The following CUX1 variants were observed in gnomAD, a reference collection of about 807,000 sequenced individuals.
CUX1 encodes cut like homeobox 1.
CUX1 carries 31 observed loss-of-function variants against 158.8 expected under a neutral mutation model. That is an observed-to-expected ratio of 0.20 (90% CI 0.15 to 0.26). The LOEUF (loss-of-function observed/expected upper bound fraction) is 0.26. Ranked by LOEUF, CUX1 falls within the 10% of genes least tolerant of loss-of-function variation. The probability of loss-of-function intolerance (pLI) is 1.00; values close to 1 mark genes in which losing one functional copy is unlikely to be tolerated. For synonymous variants in CUX1, 879 were observed against 862.1 expected, an observed-to-expected ratio of 1.02 and a Z score of -0.34; for missense variants, 1,589 against 2,014.6, an observed-to-expected ratio of 0.79 and a Z score of 4.04.
intron 12 of CUX1, among the ~76,000 whole-genome samples, chr7:102,192,996 G>A (rs1372321758): frequency 6.6e-6 from 1 of 152,218 alleles, no homozygotes; most frequent in East Asian, 1.9e-4. Context: ...GTGCCATTGA[G>A]AACAAGGGAG....
intron 13 of CUX1, 91 bp from the exon 14 acceptor site, chr7:102,195,416 A>G (rs1794692187): frequency 1.0e-6 from 1 of 992,382 alleles, no homozygotes. Flanking sequence ...GAACGCGGAC[A>G]GATGGAGGGA....
At chr7:102,016,480 G>A (rs1303880739) in intron 2 of CUX1, among the ~76,000 whole-genome samples, 3 of 152,174 alleles carry the variant, frequency 2.0e-5, no homozygotes, top group Non-Finnish European at 4.4e-5. Context: ...TGGAAGTCAC[G>A]TGCCTCATTC....
At chr7:102,175,929 T>C (rs1751880387) in intron 10 of CUX1, among the ~76,000 whole-genome samples, 1 of 152,272 alleles carries the variant, frequency 6.6e-6, no homozygotes, top group African/African-American at 2.4e-5. Flanking sequence ...TCTCGATTTC[T>C]GTAATTGCCT....
chr7:101,906,570 A>C (rs1802781959), intron 1 of CUX1, among the ~76,000 whole-genome samples: 3 of 151,792 alleles, frequency 2.0e-5, no homozygotes, highest in South Asian at 4.2e-4. Context: ...TGAGCAGGGA[A>C]CGCCAAGCTC....
Position 102,201,982 on chromosome 7 carries a change from G to A in CUX1, c.2685G>A (p.Leu895=), listed in dbSNP as rs186224792. ...CCCCATACTCCCAGAGCTCAGAGCT[G>A]AGTCTGACCGGGGCCAGCCGCAGCG... ...AESPYSQSSE[L]SLTGASRSET... Residue 895 remains leucine, a synonymous_variant, in exon 18 of 24, where the codon CTG becomes CTA. Coordinates refer to ENST00000292535, the MANE Select transcript of CUX1 (RefSeq NM_181552.4). The surrounding 1 kb of genome is among the most constrained non-coding windows in gnomAD (Gnocchi z 5.0). 73 of 1,614,068 alleles carry A rather than the reference G, an allele frequency of 4.5e-5. 1 individual carries two copies. The highest frequency in any genetic ancestry group is 1.7e-5 in the Admixed American group (1 of 60,026).
intron 23 of CUX1, among the ~76,000 whole-genome samples, chr7:102,246,092 C>G (rs1162185073): frequency 3.9e-5 from 6 of 152,192 alleles, no homozygotes; most frequent in African/African-American, 1.4e-4. Context: ...ATATCCAACC[C>G]AAGTGTGCCT....
chr7:102,119,624 C>T (rs1432247835), intron 8 of CUX1, among the ~76,000 whole-genome samples: 2 of 152,142 alleles, frequency 1.3e-5, no homozygotes, highest in East Asian at 3.8e-4. Flanking sequence ...GGGGCTTTGC[C>T]AAAACAGTTG....
At chr7:102,090,233 G>A (rs1372339223) in intron 4 of CUX1, among the ~76,000 whole-genome samples, 2 of 152,100 alleles carry the variant, frequency 1.3e-5, no homozygotes, top group Non-Finnish European at 2.9e-5. Context: ...TAGGTTGAGT[G>A]TCTTTTATCC....
At chr7:102,138,126 G>A (rs1834086951) in intron 8 of CUX1, among the ~76,000 whole-genome samples, 1 of 152,200 alleles carries the variant, frequency 6.6e-6, no homozygotes, top group South Asian at 2.1e-4. Flanking sequence ...CAAGGCTGCA[G>A]TGAGCCAAAA....
chr7:101,962,470 G>A (rs1222863768), intron 2 of CUX1, among the ~76,000 whole-genome samples: 2 of 152,156 alleles, frequency 1.3e-5, no homozygotes, highest in East Asian at 1.9e-4. Context: ...GGTTTTTAGC[G>A]GTCCATAGAG....
At chr7:102,209,284 TTGG>T (rs1307785218) in intron 20 of CUX1, among the ~76,000 whole-genome samples, 3 of 152,222 alleles carry the variant, frequency 2.0e-5, no homozygotes, top group African/African-American at 7.2e-5. Context: ...CTTTTTCCTC[TTGG>T]TGGATACAAC....
intron 8 of CUX1, among the ~76,000 whole-genome samples, chr7:102,151,727 CAAAAAAAAAAAAAAAAAAA>C (rs1159017025): frequency 2.6e-5 from 1 of 38,876 alleles, no homozygotes; most frequent in African/African-American, 9.0e-5. Context: ...GACTCTGTCT[CAAAAAAAAAAAAAAAAAAA>C]AAAAAAAAAA....
intron 16 of CUX1, 109 bp from the exon 17 acceptor site, chr7:102,199,962 G>C (rs933512682): frequency 1.2e-6 from 1 of 832,494 alleles, no homozygotes. Flanking sequence ...CTGCCTCCTT[G>C]TGTCACCAGC....
Position 102,252,384 on chromosome 7 carries a change from C to T in CUX1, c.*3342C>T, listed in dbSNP as rs545499956. The T allele has an allele frequency of 7.1e-6, 7 of 985,366 alleles. No homozygotes were observed. In the South Asian group the frequency reaches 2.8e-4, roughly 40 times the overall value. 61.0% of individuals were successfully genotyped at this position (985,366 alleles called of 1,614,324 possible). A position where few individuals can be genotyped will look rare whatever the true frequency, so the allele number is the denominator to read the frequency against. ...TCCAAGCAGTGGCCCCCGCAGGCAG[C>T]CGACCCCCTTCCTCTTCACGCTCTA... On this transcript the variant is annotated 3_prime_UTR_variant, in exon 24 of 24. Coordinates refer to ENST00000292535, the MANE Select transcript of CUX1 (RefSeq NM_181552.4).
intron 2 of CUX1, among the ~76,000 whole-genome samples, chr7:101,974,380 A>C (rs908233813): frequency 1.1e-4 from 17 of 152,138 alleles, no homozygotes; most frequent in Admixed American, 6.5e-5. Flanking sequence ...AAGCGAAATA[A>C]CCTGTTAATA....
intron 1 of CUX1, among the ~76,000 whole-genome samples, chr7:101,893,670 G>A (rs1801153601): frequency 6.6e-6 from 1 of 152,216 alleles, no homozygotes; most frequent in Admixed American, 6.5e-5. Context: ...TCCTTGCCTA[G>A]CTTAAGCCCT....
intron 23 of CUX1, among the ~76,000 whole-genome samples, chr7:102,247,313 AT>A (rs1308023268): frequency 3.3e-5 from 5 of 152,164 alleles, no homozygotes; most frequent in Non-Finnish European, 1.5e-5. Context: ...AGAGATTAAA[AT>A]TGTCACTTTG....
At chr7:102,172,567 T>C (rs1322314352) in intron 10 of CUX1, among the ~76,000 whole-genome samples, 1 of 152,120 alleles carries the variant, frequency 6.6e-6, no homozygotes, top group Non-Finnish European at 1.5e-5. Context: ...TTTATATAGA[T>C]GAAGAAACAA....
intron 8 of CUX1, among the ~76,000 whole-genome samples, chr7:102,128,973 CA>C (rs576369628): frequency 2.0e-5 from 3 of 146,650 alleles, no homozygotes; most frequent in Non-Finnish European, 1.5e-5. Flanking sequence ...GACTCTGTTT[CA>C]AAAAAAAAAG....
Sources: gnomAD v4.1 joint callset for allele counts (sites outside exome capture counted in the v4.1 genomes callset) on GRCh38, gnomAD v4.1.1 for gene constraint, Gnocchi (gnomAD v3.1) non-coding constraint, MANE v1.5 for transcripts, NCBI Gene and HGNC (gene_info 2026-07-23, HGNC 2026-07-21) for gene names.